The following CSMD1 variants were observed in gnomAD, a reference collection of about 807,000 sequenced individuals.
CSMD1 encodes CUB and sushi domain-containing protein 1.
CSMD1 carries 213 observed loss-of-function variants against 417.5 expected under a neutral mutation model. That is an observed-to-expected ratio of 0.51 (90% confidence interval 0.46 to 0.57). The LOEUF (loss-of-function observed/expected upper bound fraction) is 0.57. Ranked by LOEUF, CSMD1 falls within the 20% of genes least tolerant of loss-of-function variation. The pLI is 0.00. For missense variants in CSMD1, 6,923 were observed against 4,529.7 expected, an observed-to-expected ratio of 1.53 and a Z score of -15.17; for synonymous variants, 2,862 against 1,736.8, an observed-to-expected ratio of 1.65 and a Z score of -16.11.
At chr8:4,386,063 G>A (rs1803428728) in intron 3 of CSMD1, among the ~76,000 whole-genome samples, 1 of 151,988 alleles carries the variant, frequency 6.6e-6, no homozygotes, top group African/African-American at 2.4e-5. Flanking sequence ...TCTTCTCTGT[G>A]ATACCTTCTT....
At chr8:3,893,854 T>C (rs946846747) in intron 5 of CSMD1, among the ~76,000 whole-genome samples, 2 of 152,126 alleles carry the variant, frequency 1.3e-5, no homozygotes, top group African/African-American at 4.8e-5. Flanking sequence ...TTCATTAAAA[T>C]AGTAAAAAAC....
chr8:4,823,543 G>A (rs555470421), intron 1 of CSMD1, among the ~76,000 whole-genome samples: 2 of 152,180 alleles, frequency 1.3e-5, no homozygotes, highest in East Asian at 3.9e-4. Context: ...GGCTCACTTA[G>A]TCCAAGCCCT....
chr8:3,439,033 G>T (rs766198930), intron 12 of CSMD1, among the ~76,000 whole-genome samples: 4 of 136,110 alleles, frequency 2.9e-5, no homozygotes, highest in Non-Finnish European at 4.6e-5. Context: ...GAGGCAGGGA[G>T]AATTGCTTCA....
intron 8 of CSMD1, among the ~76,000 whole-genome samples, chr8:3,609,565 A>T (rs1801786563): frequency 1.3e-5 from 2 of 152,238 alleles, no homozygotes; most frequent in Non-Finnish European, 2.9e-5. Context: ...ACTATAAATG[A>T]AACCAGATGA....
intron 25 of CSMD1, among the ~76,000 whole-genome samples, chr8:3,291,109 T>C (rs375302610): frequency 1.4e-4 from 21 of 152,308 alleles, no homozygotes; most frequent in East Asian, 5.8e-4. Flanking sequence ...TTGGTTCTGT[T>C]TATATGCTAG....
chr8:3,819,186 A>C (rs9693433), intron 5 of CSMD1, among the ~76,000 whole-genome samples: 2 of 151,892 alleles, frequency 1.3e-5, no homozygotes, highest in African/African-American at 2.4e-5. Context: ...CCACAGTGAA[A>C]CTCAATGTCT....
intron 3 of CSMD1, among the ~76,000 whole-genome samples, chr8:4,145,991 T>C (rs1804094240): frequency 6.6e-6 from 1 of 150,960 alleles, no homozygotes; most frequent in Non-Finnish European, 1.5e-5. Flanking sequence ...GTGCAAATTT[T>C]GTACCCTGCA....
At chr8:3,854,145 A>G (rs1422604285) in intron 5 of CSMD1, among the ~76,000 whole-genome samples, 1 of 126,670 alleles carries the variant, frequency 7.9e-6, no homozygotes, top group Non-Finnish European at 1.6e-5. Context: ...AACTCTATTA[A>G]AGTATAATAA....
intron 23 of CSMD1, among the ~76,000 whole-genome samples, chr8:3,318,309 G>A (rs1423994963): frequency 6.6e-6 from 1 of 152,148 alleles, no homozygotes; most frequent in Non-Finnish European, 1.5e-5. Context: ...AATCTCTGTA[G>A]TTCTCTAATT....
intron 3 of CSMD1, among the ~76,000 whole-genome samples, chr8:4,152,605 G>C (rs939955892): frequency 6.6e-6 from 1 of 151,834 alleles, no homozygotes; most frequent in South Asian, 2.1e-4. Flanking sequence ...TGGGAAGATC[G>C]TTTGAGCCTA....
intron 11 of CSMD1, among the ~76,000 whole-genome samples, chr8:3,478,169 G>A (rs146323363): frequency 9.3e-4 from 141 of 152,288 alleles, no homozygotes; most frequent in South Asian, 4.6e-3. Context: ...CAGCCAGGTG[G>A]CACAGAAGAT....
At chr8:4,404,157 C>T (rs780791757) in intron 3 of CSMD1, among the ~76,000 whole-genome samples, 38 of 152,226 alleles carry the variant, frequency 2.5e-4, no homozygotes, top group Non-Finnish European at 4.6e-4. Flanking sequence ...TAGAGCTTTC[C>T]GGAACACTCT....
At chr8:3,455,053 T>C (rs570217221) in intron 12 of CSMD1, among the ~76,000 whole-genome samples, 1 of 152,242 alleles carries the variant, frequency 6.6e-6, no homozygotes, top group Non-Finnish European at 1.5e-5. Flanking sequence ...TCGCTTCATT[T>C]CATTCATTTG....
intron 2 of CSMD1, among the ~76,000 whole-genome samples, chr8:4,521,405 T>G (rs1192579189): frequency 6.6e-6 from 1 of 152,064 alleles, no homozygotes; most frequent in East Asian, 1.9e-4. Context: ...ACATCGATAA[T>G]AGCCTGTATT....
At chr8:3,881,124 C>A (rs940568488) in intron 5 of CSMD1, among the ~76,000 whole-genome samples, 2 of 152,012 alleles carry the variant, frequency 1.3e-5, no homozygotes, top group South Asian at 2.1e-4. Flanking sequence ...TTAAGAAGAT[C>A]TAAAAAATGC....
intron 10 of CSMD1, among the ~76,000 whole-genome samples, chr8:3,554,742 G>T (rs530983679): frequency 1.3e-5 from 2 of 152,186 alleles, no homozygotes; most frequent in Non-Finnish European, 2.9e-5. Context: ...TCCACAGAGG[G>T]TCAATACTTC....
intron 3 of CSMD1, among the ~76,000 whole-genome samples, chr8:4,208,698 T>C (rs187954111): frequency 1.6e-4 from 25 of 152,178 alleles, no homozygotes; most frequent in Non-Finnish European, 2.8e-4. Flanking sequence ...CAAGAAATGA[T>C]TAAAAATATA....
intron 12 of CSMD1, among the ~76,000 whole-genome samples, chr8:3,438,328 C>T (rs551039243): frequency 3.2e-4 from 49 of 152,250 alleles, no homozygotes; most frequent in Non-Finnish European, 5.3e-4. Flanking sequence ...ATAACATCAC[C>T]ACCAGTATAC....
intron 15 of CSMD1, among the ~76,000 whole-genome samples, chr8:3,400,795 T>G (rs1169001712): frequency 6.6e-6 from 1 of 151,322 alleles, no homozygotes; most frequent in Non-Finnish European, 1.5e-5. Flanking sequence ...ATAGATCATA[T>G]TTTTTGATAT....
Sources: gnomAD v4.1 joint callset for allele counts (sites outside exome capture counted in the v4.1 genomes callset) on GRCh38, gnomAD v4.1.1 for gene constraint, MANE v1.5 for transcripts, NCBI Gene and HGNC (gene_info 2026-07-23, HGNC 2026-07-21) for gene names.